Variants in LETM2 observed in about 807,000 individuals in gnomAD.
LETM2 encodes the protein LETM1 domain-containing protein LETM2, mitochondrial.
In LETM2, 58 loss-of-function variants were observed where a neutral mutation model predicts 59.6. That is an observed-to-expected ratio of 0.97 (90% CI 0.79 to 1.21). LETM2 has a LOEUF of 1.21. Among genes scored for constraint, LETM2 ranks in the 50% most tolerant of loss-of-function variants. The pLI is 0.00. For synonymous variants in LETM2, 199 were observed against 214.1 expected (o/e 0.93, Z 0.62); for missense variants, 572 against 575.7 (o/e 0.99, Z 0.07).
At chr8:38,404,052 AC>A (rs1813477826) in intron 7 of LETM2, among the ~76,000 whole-genome samples, 1 of 152,150 alleles carries the variant, frequency 6.6e-6, no homozygotes, top group Non-Finnish European at 1.5e-5. Flanking sequence ...AGACAGAGTC[AC>A]CCTGTGTTGC....
chr8:38,407,683 A>G (rs1189383926), intron 10 of LETM2, among the ~76,000 whole-genome samples: 2 of 152,202 alleles, frequency 1.3e-5, no homozygotes, highest in Non-Finnish European at 2.9e-5. Context: ...AAAACATGCA[A>G]AGTGTAGAAG....
In LETM2 at chr8:38,393,767, GC is replaced by G. The variant is rs1168712227; in HGVS notation, c.502-327del. On this transcript the variant is annotated intron_variant, in intron 3 of 10. Coordinates refer to ENST00000379957, the MANE Select transcript of LETM2 (RefSeq NM_001286819.2). ...ATTGTCATAGATTTCCTTCAAGATA[GC>G]CCCTAAAAGTTACTTCAGAGCTATG... The G allele has an allele frequency of 4.6e-5, 10 of 219,352 alleles. No homozygotes were observed. In the East Asian group the frequency reaches 1.0e-3, roughly 22 times the overall value. The allele number at this position is 219,352 out of a possible 1,614,324, so 13.6% of individuals were successfully genotyped here. A position where few individuals can be genotyped will look rare whatever the true frequency, so the allele number is the denominator to read the frequency against.
upstream of LETM2, among the ~76,000 whole-genome samples, chr8:38,385,166 A>G (rs145801487): frequency 1.3e-5 from 2 of 152,344 alleles, no homozygotes; most frequent in African/African-American, 4.8e-5. Context: ...GCCAAACTGA[A>G]AAGTTTTGCC....
rs143818037 is a variant in LETM2, at chr8:38,408,255, C to A, written c.1457C>A (p.Ala486Asp). 5.3e-4 allele frequency: 852 copies of A among 1,612,990 alleles called. No individual in the cohort carries two copies. The highest frequency in any genetic ancestry group is 8.2e-4 in the Admixed American group (49 of 59,854). ...CAAATGACGGCCCAGAACAGCAAGG[C>A]TAGTTCAAAAGGAGCATAAAGGACT... The part of the protein sequence containing the change: ...KSQMTAQNSK[A>D]SSKGA The change falls in exon 11 of 11, where the codon GCT becomes GAT. Residue 486 changes from alanine to aspartate, a missense_variant. Transcript: ENST00000379957.
chr8:38,389,351 G>T (rs1476992225), intron 2 of LETM2, among the ~76,000 whole-genome samples: 1 of 151,958 alleles, frequency 6.6e-6, no homozygotes, highest in Non-Finnish European at 1.5e-5. Context: ...CGAGTAGCTG[G>T]GATTACAGGC....
chr8:38,406,765 T>A, intron 8 of LETM2, 181 bp from the exon 9 acceptor site: 1 of 500,388 alleles, frequency 2.0e-6, no homozygotes. Flanking sequence ...AGAGAAATAA[T>A]ACTAAGTTGC....
intron 6 of LETM2, 58 bp from the exon 7 acceptor site, chr8:38,402,467 A>C: frequency 1.3e-6 from 2 of 1,588,422 alleles, no homozygotes; most frequent in South Asian, 1.1e-5. Flanking sequence ...GCTGGAATTT[A>C]GGGTTTACGT....
At chr8:38,393,244 A>C (rs1440957103) in intron 3 of LETM2, 1 of 426,958 alleles carries the variant, frequency 2.3e-6, no homozygotes. Context: ...TCAGGGGTAC[A>C]TGTGCATGTT....
Position 38,392,877 on chromosome 8 carries a change from A to G in LETM2, c.383A>G (p.Asp128Gly). The change falls in exon 3 of 11, where the codon GAT becomes GGT. Residue 128 changes from aspartate (D) to glycine (G), a missense_variant. Coordinates refer to ENST00000379957, the MANE Select transcript of LETM2 (RefSeq NM_001286819.2). ...CAATCTTATAGACAAAAAATCATGG[A>G]TGAACTAAAATATTATTACAATGGA... is the stretch of plus-strand genomic sequence containing the variant. ...GKQSYRQKIMDELKYYYNGFY... is the reference protein window; with the variant it reads ...GKQSYRQKIMGELKYYYNGFY... The G allele has an allele frequency of 4.3e-6, 7 of 1,614,150 alleles. No homozygotes were observed. The highest frequency in any genetic ancestry group is 5.9e-6 in the Non-Finnish European group (7 of 1,180,050).
intron 4 of LETM2, among the ~76,000 whole-genome samples, chr8:38,396,053 A>G (rs1812655799): frequency 6.6e-6 from 1 of 152,160 alleles, no homozygotes; most frequent in Admixed American, 6.5e-5. Context: ...TTGTAGCTAA[A>G]AACTTATTGC....
chr8:38,403,178 G>A lies in LETM2; in HGVS notation c.1104+534G>A, dbSNP rs150609182. Among the ~76,000 whole-genome samples the A allele has an allele frequency of 2.0e-5, 3 of 152,262 alleles. No homozygotes were observed. The East Asian group carries it at 5.8e-4, about 29-fold the overall frequency. Reference sequence around the variant, plus strand: ...CCCCCGTGTTTGACCTCTAGCCCCAGATTTAAGGTCTCATGTGATTGGTGA... The same window carrying A: ...CCCCCGTGTTTGACCTCTAGCCCCAAATTTAAGGTCTCATGTGATTGGTGA... On this transcript the variant is annotated intron_variant, in intron 7 of 10. Coordinates refer to ENST00000379957, the MANE Select transcript of LETM2 (RefSeq NM_001286819.2).
At position 38,392,856 on chromosome 8, in the gene LETM2, C is replaced by G. The variant is rs752424957; in HGVS notation, c.362C>G (p.Ser121Cys). Residue 121 changes from serine (S) to cysteine (C), a missense_variant, in exon 3 of 11, where the codon TCT (serine) becomes TGT (cysteine). Transcript: ENST00000379957. ...TGMEIKEGKQSYRQKIMDELK... is the reference protein window; with the variant it reads ...TGMEIKEGKQCYRQKIMDELK... ...ATGGAGATTAAAGAAGGCAAACAAT[C>G]TTATAGACAAAAAATCATGGATGAA... 6.2e-7 allele frequency: 1 copy of G among 1,614,104 alleles called. No individual in the cohort carries two copies. Among genetic ancestry groups the G allele is most frequent in the Non-Finnish European group, 8.5e-7 (1 of 1,180,028 alleles).
upstream of LETM2, chr8:38,382,669 C>T (rs1563376794): frequency 6.6e-6 from 1 of 152,268 alleles, no homozygotes; most frequent in Non-Finnish European, 1.5e-5. The surrounding 1 kb of genome is among the most constrained non-coding windows in gnomAD (Gnocchi z 4.2). Context: ...TGACTCGGCT[C>T]TCTAGCTCTT....
chr8:38,397,501 A>C (rs1395740066), intron 4 of LETM2, among the ~76,000 whole-genome samples: 1 of 152,206 alleles, frequency 6.6e-6, no homozygotes, highest in Non-Finnish European at 1.5e-5. Context: ...GTGGCATAAG[A>C]GAGTATGATG....
intron 3 of LETM2, 159 bp downstream of exon 3, chr8:38,393,154 G>A (rs1812433724): frequency 1.6e-6 from 1 of 625,736 alleles, no homozygotes; most frequent in Non-Finnish European, 2.7e-6. Flanking sequence ...CCGACTTACT[G>A]TACAACTTTA....
intron 7 of LETM2, among the ~76,000 whole-genome samples, chr8:38,403,770 G>A (rs1381411751): frequency 1.3e-5 from 2 of 152,216 alleles, no homozygotes; most frequent in African/African-American, 4.8e-5. Flanking sequence ...TTAAAATCAT[G>A]TATTTCTTGA....
At chr8:38,394,395 T>C in intron 4 of LETM2, 154 bp downstream of exon 4, 1 of 460,240 alleles carries the variant, frequency 2.2e-6, no homozygotes, top group South Asian at 5.4e-5. Context: ...GCTATATTTG[T>C]AATGATTAAA....
Position 38,408,244 on chromosome 8 carries a change from G to T in LETM2, c.1446G>T (p.Gln482His). 2.5e-6 allele frequency: 4 copies of T among 1,613,138 alleles called. No individual in the cohort carries two copies. Among genetic ancestry groups the T allele is most frequent in the Middle Eastern group, 1.6e-4 (1 of 6,062 alleles). Residue 482 changes from glutamine to histidine, a missense_variant, in exon 11 of 11, where the codon CAG (glutamine) becomes CAT (histidine). Physicochemically the swap from Gln to His is conservative, Grantham distance 24. Transcript: ENST00000379957. The stretch of plus-strand genomic sequence containing the variant: ...AGGCCAAATCACAAATGACGGCCCA[G>T]AACAGCAAGGCTAGTTCAAAAGGAG... ...TLQAKSQMTA[Q>H]NSKASSKGA
rs776017169 is a variant in LETM2 at position 38,402,640 on chromosome 8, C to G, written c.1100C>G (p.Thr367Arg). 3 of 1,614,022 alleles carry G rather than the reference C, an allele frequency of 1.9e-6. No individual in the cohort carries two copies. The highest frequency in any genetic ancestry group is 1.7e-6 in the Non-Finnish European group (2 of 1,179,952). Residue 367 changes from threonine to arginine, a missense_variant, in exon 7 of 11, where the codon ACG (threonine) becomes AGG (arginine). Physicochemically the swap from Thr to Arg is moderately conservative, Grantham distance 71 (BLOSUM62 -1). Coordinates refer to ENST00000379957, the MANE Select transcript of LETM2 (RefSeq NM_001286819.2). ...LTEEQLRQQLTEWQDLHLKEN... is the reference protein window; with the variant it reads ...LTEEQLRQQLREWQDLHLKEN... ...GAGGAACAACTGCGACAACAGCTCA[C>G]GGAGGCAAGTAGCAGCGCCCCTCTG...
Sources: allele counts gnomAD v4.1 joint callset (sites outside exome capture counted in the v4.1 genomes callset), GRCh38; gene constraint gnomAD v4.1.1; non-coding constraint Gnocchi (gnomAD v3.1); transcripts MANE v1.5; gene names NCBI Gene and HGNC (gene_info 2026-07-23, HGNC 2026-07-21).